PSMG2: variants seen among roughly 807,000 people sequenced by gnomAD.
PSMG2 encodes proteasome assembly chaperone 2, also known as CD40 ligand-activated specific transcript 3.
In PSMG2, 21 loss-of-function variants were observed where a neutral mutation model predicts 31.5. The ratio of observed to expected loss-of-function variants is 0.67; its 90% CI spans 0.47 to 0.96. PSMG2 has a LOEUF of 0.96. Among genes scored for constraint, PSMG2 ranks in the 40% least tolerant of loss-of-function variants. The pLI, the probability that PSMG2 is intolerant of heterozygous loss-of-function variation, is 0.00. For synonymous variants in PSMG2, 120 were observed against 110.4 expected, an observed-to-expected ratio of 1.09 and a Z score of -0.54; for missense variants, 318 against 321.2, an observed-to-expected ratio of 0.99 and a Z score of 0.08.
At chr18:12,718,728 C>G (rs993418339) in intron 4 of PSMG2, 93 bp downstream of exon 4, 6 of 861,910 alleles carry the variant, frequency 7.0e-6, no homozygotes, top group Non-Finnish European at 1.0e-5. Flanking sequence ...CCACGTAGAT[C>G]CTTACCTCTT....
Position 12,720,640 on chromosome 18 carries a change from C to T in PSMG2, c.538C>T (p.Arg180Cys), listed in dbSNP as rs747469553. The change falls in exon 5 of 7, where the codon CGC (arginine) becomes TGC (cysteine). Residue 180 changes from arginine (R) to cysteine (C), a missense_variant. Arg to Cys is a radical substitution (Grantham distance 180). Coordinates refer to ENST00000317615, the MANE Select transcript of PSMG2 (RefSeq NM_020232.5). ...AATAGATGATTCCGAGTTTTGTATC[C>T]GCATTCCGGGAGGAGGTATCACAAA... ...PEIDDSEFCI[R>C]IPGGGITKTL... 3.1e-6 allele frequency: 5 copies of T among 1,613,334 alleles called. No homozygotes were observed. Among genetic ancestry groups the T allele is most frequent in the East Asian group, 2.2e-5 (1 of 44,874 alleles).
intron 5 of PSMG2, among the ~76,000 whole-genome samples, chr18:12,722,906 A>C (rs1015764194): frequency 6.6e-6 from 1 of 152,224 alleles, no homozygotes; most frequent in Admixed American, 6.5e-5. Flanking sequence ...AGCCTTCTCC[A>C]GGCGAGAGCC....
In PSMG2 at chr18:12,671,362, A is replaced by G. The variant is rs139099175; in HGVS notation, c.-37+12589A>G. On this transcript the variant is annotated intron_variant, in intron 1 of 6. Transcript: ENST00000585331. The stretch of plus-strand genomic sequence containing the variant: ...AATAACTTGGATAGCCAACTGGTAT[A>G]GAGTTACTTTCTTAAGACCAATGGA... Among the ~76,000 whole-genome samples, 504 of 152,316 alleles carry G rather than the reference A, an allele frequency of 3.3e-3. 4 individuals carry two copies. The highest frequency in any genetic ancestry group is 0.011 in the African/African-American group (473 of 41,566).
At chr18:12,682,107 C>CTACACGCGAAAGCAAAAATAACTT (rs2039371338) in intron 1 of PSMG2, among the ~76,000 whole-genome samples, 1 of 152,110 alleles carries the variant, frequency 6.6e-6, no homozygotes, top group East Asian at 1.9e-4. Context: ...TGTAGGAAGA[C>CTACACGCGAAAGCAAAAATAACTT]TACACGCGAA....
upstream of PSMG2, chr18:12,699,078 G>A (rs933115480): frequency 6.2e-7 from 1 of 1,614,060 alleles, no homozygotes; most frequent in African/African-American, 1.3e-5. Context: ...TTTCGATAAT[G>A]TAAACATAAA....
chr18:12,706,798 T>C, intron 2 of PSMG2, 77 bp downstream of exon 2: 1 of 1,440,832 alleles, frequency 6.9e-7, no homozygotes. Flanking sequence ...TTATTGATAA[T>C]TGTTTTGTAG....
Position 12,724,616 on chromosome 18 carries a change from A to G in PSMG2, c.699A>G (p.Pro233=). The part of the protein sequence containing the change: ...YLNEWLQILK[P]LSDDPTVSAS... ...ATGAGTGGCTTCAGATACTCAAACC[A>G]CTTGTAAGTTCTATTATAGCTTAAG... Residue 233 remains proline, a synonymous_variant, in exon 6 of 7, where the codon CCA becomes CCG. Transcript: ENST00000317615. The G allele has an allele frequency of 1.3e-6, 2 of 1,597,568 alleles. No homozygotes were observed. Among genetic ancestry groups the G allele is most frequent in the Non-Finnish European group, 1.7e-6 (2 of 1,173,978 alleles).
At chr18:12,664,985 C>T (rs527517137) in intron 1 of PSMG2, 3 of 152,242 alleles carry the variant, frequency 2.0e-5, no homozygotes, top group South Asian at 4.1e-4. Context: ...CCACTGCACC[C>T]GATCTATCCT....
chr18:12,719,711 T>G (rs1017878027), intron 4 of PSMG2, among the ~76,000 whole-genome samples: 4 of 145,810 alleles, frequency 2.7e-5, no homozygotes, highest in Non-Finnish European at 6.0e-5. Flanking sequence ...TTTTTTTTTT[T>G]CCTCTTTTTT....
chr18:12,661,033 C>A (rs1202108080), intron 1 of PSMG2, among the ~76,000 whole-genome samples: 2 of 152,194 alleles, frequency 1.3e-5, no homozygotes, highest in Admixed American at 6.5e-5. Flanking sequence ...GCTGGCCAGG[C>A]ATGGTGGCTC....
Position 12,668,650 on chromosome 18 carries a change from A to G in PSMG2, c.-37+9877A>G, listed in dbSNP as rs189704763. ...AAAAATAGTGAATGTACTTAATCCAATCAAAAAGCTGAAACTGTTCAGACT... is the reference window on the plus strand; with the variant it reads ...AAAAATAGTGAATGTACTTAATCCAGTCAAAAAGCTGAAACTGTTCAGACT... On this transcript the variant is annotated intron_variant, in intron 1 of 6. Coordinates refer to the PSMG2 transcript ENST00000585331. Among the ~76,000 whole-genome samples the G allele has an allele frequency of 6.1e-4, 89 of 146,834 alleles. 1 individual carries two copies. The highest frequency in any genetic ancestry group is 2.2e-3 in the African/African-American group (88 of 40,068).
upstream of PSMG2, chr18:12,702,925 G>A: frequency 3.1e-6 from 2 of 646,024 alleles, no homozygotes; most frequent in Non-Finnish European, 5.0e-6. Context: ...GCGGCCACCC[G>A]GCGGCCTCTT....
chr18:12,686,299 T>C (rs2039538587), intron 1 of PSMG2: 1 of 1,614,134 alleles, frequency 6.2e-7, no homozygotes, highest in African/African-American at 1.3e-5. Flanking sequence ...AGTGCACCAC[T>C]GCTCCTGTTT....
chr18:12,673,484 T>G (rs2039003477), intron 1 of PSMG2: 1 of 1,584,066 alleles, frequency 6.3e-7, no homozygotes, highest in Non-Finnish European at 8.5e-7. Context: ...CAACAGATTA[T>G]TTCTTCACAG....
intron 3 of PSMG2, among the ~76,000 whole-genome samples, chr18:12,714,234 G>C (rs754504091): frequency 6.6e-6 from 1 of 152,140 alleles, no homozygotes; most frequent in Non-Finnish European, 1.5e-5. Context: ...GTTCGCAGGA[G>C]CCCCATATGC....
At chr18:12,659,396 A>G (rs1032928996) in intron 1 of PSMG2, among the ~76,000 whole-genome samples, 1 of 152,180 alleles carries the variant, frequency 6.6e-6, no homozygotes, top group African/African-American at 2.4e-5. Flanking sequence ...GGCCGTGCGC[A>G]GTGGCTTAGG....
At chr18:12,712,004 G>A (rs1405386136) in intron 2 of PSMG2, among the ~76,000 whole-genome samples, 4 of 151,984 alleles carry the variant, frequency 2.6e-5, no homozygotes, top group Non-Finnish European at 4.4e-5. Context: ...TGATCCACCT[G>A]CCTCAGCCTC....
chr18:12,693,542 T>C (rs1421493738), intron 1 of PSMG2, among the ~76,000 whole-genome samples: 2 of 152,194 alleles, frequency 1.3e-5, no homozygotes, highest in African/African-American at 4.8e-5. Flanking sequence ...TATACCACTT[T>C]GGGAGGCCGA....
At chr18:12,664,158 T>TC (rs1260764783) in intron 1 of PSMG2, among the ~76,000 whole-genome samples, 3 of 139,976 alleles carry the variant, frequency 2.1e-5, no homozygotes, top group Admixed American at 7.0e-5. Flanking sequence ...AGAGCGAAAC[T>TC]CCATCTCAAA....
Sources: allele counts gnomAD v4.1 joint callset (sites outside exome capture counted in the v4.1 genomes callset), GRCh38; gene constraint gnomAD v4.1.1; transcripts MANE v1.5; gene names NCBI Gene and HGNC (gene_info 2026-07-23, HGNC 2026-07-21).